The following EPN2 variants were observed in gnomAD, a reference collection of about 807,000 sequenced individuals.
The protein encoded by EPN2 is epsin 2.
Under a neutral mutation model 61.7 loss-of-function variants are expected in EPN2, and 34 were observed. The observed-to-expected ratio is 0.55, with a 90% CI of 0.42 to 0.73. EPN2 has a LOEUF of 0.73. Ranked by LOEUF, EPN2 falls within the 30% of genes least tolerant of loss-of-function variation. EPN2 has a pLI of 0.00. For synonymous variants in EPN2, 349 were observed against 353.6 expected (o/e 0.99, Z 0.15); for missense variants, 714 against 839.2 (o/e 0.85, Z 1.84).
At chr17:19,276,967 C>G (rs937514762) in intron 1 of EPN2, among the ~76,000 whole-genome samples, 5 of 151,952 alleles carry the variant, frequency 3.3e-5, no homozygotes, top group African/African-American at 1.2e-4. Context: ...AACAAATGAT[C>G]CTGTTTTAGT....
rs146288560 is a variant in EPN2 at position 19,289,435 on chromosome 17, G to A, written c.766+3645G>A. On this transcript the variant is annotated intron_variant, in intron 4 of 10. Transcript: ENST00000314728. Reference sequence around the variant, plus strand: ...CTGACAGACCTTGCTAGAGGACTGGGCAGAGTGAGAGGGGAGCTGAGGATG... The same window carrying A: ...CTGACAGACCTTGCTAGAGGACTGGACAGAGTGAGAGGGGAGCTGAGGATG... Among the ~76,000 whole-genome samples, 266 of 152,160 alleles carry A rather than the reference G, an allele frequency of 1.7e-3. 1 individual carries two copies. Among genetic ancestry groups the A allele is most frequent in the African/African-American group, 6.0e-3 (247 of 41,504 alleles).
rs1188573981 is a variant in EPN2, at chr17:19,261,060, G to C, written c.-293-20895G>C. 3.8e-4 allele frequency among the ~76,000 whole-genome samples: 58 copies of C among 152,260 alleles called. 1 individual carries two copies. Among genetic ancestry groups the C allele is most frequent in the Non-Finnish European group, 1.5e-5 (1 of 68,054 alleles). On this transcript the variant is annotated intron_variant, in intron 1 of 10. Transcript: ENST00000314728. The stretch of plus-strand genomic sequence containing the variant: ...CTTGTTTCATGACATGCCGGCGACA[G>C]TTGTCTCACGTGCACATCGTTTCCC...
intron 7 of EPN2, among the ~76,000 whole-genome samples, chr17:19,320,640 A>C (rs1906596311): frequency 6.6e-6 from 1 of 152,216 alleles, no homozygotes; most frequent in African/African-American, 2.4e-5. Context: ...TCCCAAGAAG[A>C]ACCATGGTTG....
intron 7 of EPN2, among the ~76,000 whole-genome samples, chr17:19,319,258 ATTAGT>A (rs1403947279): frequency 1.3e-5 from 2 of 152,162 alleles, no homozygotes; most frequent in African/African-American, 4.8e-5. Context: ...ATATAAACCT[ATTAGT>A]TTAAACTGTG....
At chr17:19,318,117 A>C (rs1448814827) in intron 7 of EPN2, among the ~76,000 whole-genome samples, 1 of 152,216 alleles carries the variant, frequency 6.6e-6, no homozygotes, top group East Asian at 1.9e-4. Context: ...AACTAGACAG[A>C]GCCCACCCAC....
intron 7 of EPN2, among the ~76,000 whole-genome samples, chr17:19,315,080 G>A (rs1326047542): frequency 1.3e-5 from 2 of 152,222 alleles, no homozygotes; most frequent in African/African-American, 2.4e-5. Flanking sequence ...TGGTGGGAAG[G>A]AGACTTAGTT....
chr17:19,295,538 AAAAAGAAAAG>A (rs1025314584), intron 4 of EPN2, among the ~76,000 whole-genome samples: 10 of 152,258 alleles, frequency 6.6e-5, no homozygotes, highest in South Asian at 4.2e-4. Context: ...CTCTCAGAAA[AAAAAGAAAAG>A]AAAAGAAAAA....
At chr17:19,276,338 C>T (rs1472910247) in intron 1 of EPN2, 2 of 150,916 alleles carry the variant, frequency 1.3e-5, no homozygotes, top group Non-Finnish European at 2.9e-5. Flanking sequence ...CAGATGTGCA[C>T]CACCATGCCC....
chr17:19,269,201 G>T (rs544651597), intron 1 of EPN2, among the ~76,000 whole-genome samples: 1 of 152,322 alleles, frequency 6.6e-6, no homozygotes, highest in South Asian at 2.1e-4. Context: ...TACCTTTTGT[G>T]GGGTAGACTC....
At chr17:19,332,737 T>G (rs1295647517) in intron 10 of EPN2, among the ~76,000 whole-genome samples, 1 of 152,210 alleles carries the variant, frequency 6.6e-6, no homozygotes, top group Non-Finnish European at 1.5e-5. Context: ...ATGTCCTCCC[T>G]CCTCTTCCCT....
chr17:19,252,158 C>T (rs1317201171), intron 1 of EPN2, among the ~76,000 whole-genome samples: 8 of 151,944 alleles, frequency 5.3e-5, no homozygotes, highest in African/African-American at 9.7e-5. Flanking sequence ...GAGACTAGGC[C>T]GCACAGCTCC....
intron 4 of EPN2, among the ~76,000 whole-genome samples, chr17:19,300,412 C>CAATAAACTG (rs1555601254): frequency 7.3e-6 from 1 of 137,748 alleles, no homozygotes; most frequent in Non-Finnish European, 1.6e-5. Flanking sequence ...TACATAAAAA[C>CAATAAACTG]AATAAACTGT....
Position 19,312,069 on chromosome 17 carries a change from G to C in EPN2, c.897G>C (p.Arg299=). Reference sequence around the variant, plus strand: ...CTCTACAGGAAGAACGCCTCAGGCGGGGTGATGACCTCAGATTACAGATGG... The same window carrying C: ...CTCTACAGGAAGAACGCCTCAGGCGCGGTGATGACCTCAGATTACAGATGG... ...EVAEQEERLR[R]GDDLRLQMAL... Residue 299 remains arginine (R), a synonymous_variant, in exon 6 of 11, where the codon CGG becomes CGC. Coordinates refer to ENST00000314728, the MANE Select transcript of EPN2 (RefSeq NM_014964.5). 6.2e-7 allele frequency: 1 copy of C among 1,613,794 alleles called. No individual in the cohort carries two copies. The highest frequency in any genetic ancestry group is 8.5e-7 in the Non-Finnish European group (1 of 1,179,684).
intron 1 of EPN2, among the ~76,000 whole-genome samples, chr17:19,279,036 G>T (rs767374757): frequency 6.6e-6 from 1 of 151,208 alleles, no homozygotes; most frequent in East Asian, 1.9e-4. Context: ...GCCTTATTTC[G>T]TTTTTTTTTA....
At position 19,303,000 on chromosome 17, in the gene EPN2, C is replaced by T. The variant is rs112240882; in HGVS notation, c.767-6885C>T. On this transcript the variant is annotated intron_variant, in intron 4 of 10. Coordinates refer to ENST00000314728, the MANE Select transcript of EPN2 (RefSeq NM_014964.5). ...GTTCCCTCTGGGCGAGTGTCAGAGA[C>T]GGAAGCGCACTACAGGCATCCACAC... 6.1e-4 allele frequency among the ~76,000 whole-genome samples: 93 copies of T among 152,308 alleles called. 1 individual carries two copies. Among genetic ancestry groups the T allele is most frequent in the African/African-American group, 2.0e-3 (83 of 41,560 alleles).
intron 7 of EPN2, chr17:19,313,748 G>GA (rs1351382442): frequency 1.3e-5 from 2 of 158,962 alleles, no homozygotes; most frequent in Admixed American, 6.5e-5. Flanking sequence ...TAAAGCAATA[G>GA]AAAATCCGTT....
chr17:19,281,182 A>G (rs1421286520), intron 1 of EPN2, among the ~76,000 whole-genome samples: 1 of 152,124 alleles, frequency 6.6e-6, no homozygotes. Flanking sequence ...TGATTGACTA[A>G]ATGATTGGCC....
chr17:19,290,502 G>A (rs114641071), intron 4 of EPN2, among the ~76,000 whole-genome samples: 4 of 152,056 alleles, frequency 2.6e-5, no homozygotes, highest in Admixed American at 1.3e-4. Context: ...AAGGCCAGGG[G>A]CCAGATCTTC....
chr17:19,298,281 G>GC (rs1466548407), intron 4 of EPN2, among the ~76,000 whole-genome samples: 1 of 152,020 alleles, frequency 6.6e-6, no homozygotes, highest in Non-Finnish European at 1.5e-5. Context: ...TGCAACCTCC[G>GC]CCCCCCAGGT....
Sources: allele counts gnomAD v4.1 joint callset (sites outside exome capture counted in the v4.1 genomes callset), GRCh38; gene constraint gnomAD v4.1.1; transcripts MANE v1.5; gene names NCBI Gene and HGNC (gene_info 2026-07-23, HGNC 2026-07-21).